PWWP3A: variants seen among roughly 807,000 people sequenced by gnomAD.
The protein encoded by PWWP3A is PWWP domain containing 3A, DNA repair factor.
In PWWP3A, 53 loss-of-function variants were observed where a neutral mutation model predicts 79.0. The observed-to-expected ratio is 0.67, with a 90% CI of 0.54 to 0.84. The LOEUF (loss-of-function observed/expected upper bound fraction) is 0.84, where lower values mean the gene tolerates loss of function less well. PWWP3A is among the 40% of genes least tolerant of loss of function. PWWP3A has a pLI of 0.00. For missense variants in PWWP3A, 973 were observed against 948.0 expected (o/e 1.03, Z -0.35); for synonymous variants, 443 against 394.4 (o/e 1.12, Z -1.46).
In PWWP3A at chr19:1,369,509, A is replaced by G. The variant is rs960970197; in HGVS notation, c.1499-87A>G. On this transcript the variant is annotated intron_variant, in intron 10 of 13. Coordinates refer to ENST00000591337, the MANE Select transcript of PWWP3A (RefSeq NM_001369789.1). This position sits in a 1 kb window ranked among gnomAD's most constrained non-coding sequence, Gnocchi z 4.0. Reference sequence around the variant, plus strand: ...CTGGCCTGGCCTGATTATTTCCTAAACAGAGACGCCGGGCCAGCCCCTGGA... The same window carrying G: ...CTGGCCTGGCCTGATTATTTCCTAAGCAGAGACGCCGGGCCAGCCCCTGGA... 1.9e-6 allele frequency: 3 copies of G among 1,554,432 alleles called. No individual in the cohort carries two copies. The highest frequency in any genetic ancestry group is 1.4e-5 in the African/African-American group (1 of 73,520).
intron 5 of PWWP3A, among the ~76,000 whole-genome samples, 183 bp downstream of exon 5, chr19:1,361,215 T>C (rs1207287288): frequency 2.6e-5 from 4 of 152,224 alleles, no homozygotes; most frequent in Non-Finnish European, 4.4e-5. Flanking sequence ...TATAATTGCT[T>C]CAACTTCTAA....
intron 6 of PWWP3A, 196 bp from the exon 7 acceptor site, chr19:1,364,313 G>A (rs2082083687): frequency 4.4e-6 from 3 of 689,240 alleles, no homozygotes; most frequent in Non-Finnish European, 8.0e-6. Context: ...TCTCATCATT[G>A]GTGGTTAGAC....
chr19:1,371,583 G>A (rs2082261396), intron 12 of PWWP3A: 2 of 603,254 alleles, frequency 3.3e-6, no homozygotes. Context: ...TTTGGGGCTT[G>A]GTGAGGAGCA....
At chr19:1,373,791 C>T (rs1044251562) in intron 13 of PWWP3A, 1 of 152,910 alleles carries the variant, frequency 6.5e-6, no homozygotes, top group African/African-American at 2.4e-5. Flanking sequence ...ACAGGAGACT[C>T]CTGGTGAAGA....
intron 5 of PWWP3A, chr19:1,361,937 G>A (rs896341671): frequency 3.7e-6 from 1 of 268,652 alleles, no homozygotes; most frequent in Non-Finnish European, 7.3e-6. Context: ...AGCCAGGCCG[G>A]GACAAAAGGG....
Position 1,377,262 on chromosome 19 carries a change from C to T in PWWP3A, c.*686C>T. 6.5e-6 allele frequency: 1 copy of T among 152,828 alleles called. No homozygotes were observed. 9.5% of individuals were successfully genotyped at this position (152,828 alleles called of 1,614,324 possible). Reference sequence around the variant, plus strand: ...AGCCACATGCCCTGGCTGCCATGGGCCAGACCGCCTCCACCTCCCCCGCCC... The same window carrying T: ...AGCCACATGCCCTGGCTGCCATGGGTCAGACCGCCTCCACCTCCCCCGCCC... On this transcript the variant is annotated 3_prime_UTR_variant, in exon 14 of 14. Transcript: ENST00000591337.
Position 1,369,057 on chromosome 19 carries a change from A to G in PWWP3A, c.1423-208A>G. The G allele has an allele frequency of 1.8e-6, 1 of 558,398 alleles. No individual in the cohort carries two copies. The highest frequency in any genetic ancestry group is 3.2e-6 in the Non-Finnish European group (1 of 308,850). The allele number at this position is 558,398 out of a possible 1,614,324, so 34.6% of individuals were successfully genotyped here. A position where few individuals can be genotyped will look rare whatever the true frequency, so the allele number is the denominator to read the frequency against. The stretch of plus-strand genomic sequence containing the variant: ...CCACCATTTGAGCAGCTCAGGGCCC[A>G]GACCTGTGCCTGGTGCGTTTCCCAT... On this transcript the variant is annotated intron_variant, in intron 9 of 13. Coordinates refer to ENST00000591337, the MANE Select transcript of PWWP3A (RefSeq NM_001369789.1). The surrounding 1 kb of genome is among the most constrained non-coding windows in gnomAD (Gnocchi z 4.0).
Position 1,368,770 on chromosome 19 carries a change from G to C in PWWP3A, c.1423-495G>C, listed in dbSNP as rs1272876613. 6.6e-6 allele frequency among the ~76,000 whole-genome samples: 1 copy of C among 152,238 alleles called. No individual in the cohort carries two copies. Among genetic ancestry groups the C allele is most frequent in the Non-Finnish European group, 1.5e-5 (1 of 68,040 alleles). On this transcript the variant is annotated intron_variant, in intron 9 of 13. Transcript: ENST00000591337. The surrounding 1 kb of genome is among the most constrained non-coding windows in gnomAD (Gnocchi z 4.7). ...TTAGAGCAGCTTATTTCCAGGACTT[G>C]ATGTCCTGTCATGTGGCACAGTGGC...
chr19:1,365,268 C>T (rs1174546841), intron 7 of PWWP3A, among the ~76,000 whole-genome samples: 1 of 152,234 alleles, frequency 6.6e-6, no homozygotes, highest in Non-Finnish European at 1.5e-5. Context: ...TCCAAGTTCC[C>T]GGTGTGGGTG....
chr19:1,363,061 TAAA>T (rs536753599), intron 6 of PWWP3A, among the ~76,000 whole-genome samples: 22 of 152,322 alleles, frequency 1.4e-4, no homozygotes, highest in African/African-American at 3.8e-4. Context: ...GCAAAAATAG[TAAA>T]GGGAGGTGAG....
chr19:1,376,854 C>G lies in PWWP3A; in HGVS notation c.*278C>G. 1 of 348,126 alleles carries G rather than the reference C, an allele frequency of 2.9e-6. No individual in the cohort carries two copies. Among genetic ancestry groups the G allele is most frequent in the Non-Finnish European group, 5.3e-6 (1 of 190,112 alleles). The allele number at this position is 348,126 out of a possible 1,614,324, so 21.6% of individuals were successfully genotyped here. Reference sequence around the variant, plus strand: ...GCTTTTGAAAGGACGGAAGCGTATTCACTGTGCGCCAGTACTCCTGGCTGT... The same window carrying G: ...GCTTTTGAAAGGACGGAAGCGTATTGACTGTGCGCCAGTACTCCTGGCTGT... On this transcript the variant is annotated 3_prime_UTR_variant, in exon 14 of 14. Coordinates refer to ENST00000591337, the MANE Select transcript of PWWP3A (RefSeq NM_001369789.1).
In PWWP3A at chr19:1,369,744, T is replaced by A; in HGVS notation, c.1549+98T>A. ...GAAGCTGTGGAAGGGGACGTTGGGG[T>A]CAAGGCACTGTCCGCAGCCACACAG... On this transcript the variant is annotated intron_variant, in intron 11 of 13. Transcript: ENST00000591337. The surrounding 1 kb of genome is among the most constrained non-coding windows in gnomAD (Gnocchi z 4.0). 11 of 1,333,654 alleles carry A rather than the reference T, an allele frequency of 8.2e-6. No individual in the cohort carries two copies. The highest frequency in any genetic ancestry group is 1.2e-5 in the Non-Finnish European group (11 of 924,776). 82.6% of individuals were successfully genotyped at this position (1,333,654 alleles called of 1,614,324 possible).
rs1303073478 is a variant in PWWP3A, at chr19:1,376,567, CCGT to C, written c.2127_2129del (p.Arg710del). ...AGCTCCTTGAAGAGCGGAACCGGCG[CCGT>C]CGGTGAGGGAGCAGCCGGCTGTGCT... On this transcript the variant is annotated inframe_deletion, in exon 14 of 14. Coordinates refer to ENST00000591337, the MANE Select transcript of PWWP3A (RefSeq NM_001369789.1). 6.2e-7 allele frequency: 1 copy of C among 1,613,468 alleles called. No homozygotes were observed. The highest frequency in any genetic ancestry group is 8.5e-7 in the Non-Finnish European group (1 of 1,179,910).
intron 7 of PWWP3A, 55 bp from the exon 8 acceptor site, chr19:1,366,250 T>G: frequency 6.3e-7 from 1 of 1,578,638 alleles, no homozygotes; most frequent in Non-Finnish European, 8.7e-7. Flanking sequence ...AAAAAATATT[T>G]AAAATCCACG....
At position 1,368,691 on chromosome 19, in the gene PWWP3A, C is replaced by T. The variant is rs1378539029; in HGVS notation, c.1423-574C>T. On this transcript the variant is annotated intron_variant, in intron 9 of 13. Transcript: ENST00000591337. This position sits in a 1 kb window ranked among gnomAD's most constrained non-coding sequence, Gnocchi z 4.7. ...GCCAGCCCAGGTGCTGTTAGAGCAG[C>T]CCAGGTGCTGGCCTAGCCTGGCTGC... Among the ~76,000 whole-genome samples the T allele has an allele frequency of 6.6e-6, 1 of 152,222 alleles. No individual in the cohort carries two copies. Among genetic ancestry groups the T allele is most frequent in the Non-Finnish European group, 1.5e-5 (1 of 68,038 alleles).
In PWWP3A at chr19:1,377,633, G is replaced by A. The variant is rs1046859160; in HGVS notation, c.*1057G>A. On this transcript the variant is annotated 3_prime_UTR_variant, in exon 14 of 14. Transcript: ENST00000591337. ...CAGCCAGGCTCCAGCAGGGTCAGACGTGCTGTTAAGAGCAAAGCCACAGAC... is the reference window on the plus strand; with the variant it reads ...CAGCCAGGCTCCAGCAGGGTCAGACATGCTGTTAAGAGCAAAGCCACAGAC... 4 of 152,436 alleles carry A rather than the reference G, an allele frequency of 2.6e-5. No homozygotes were observed. The highest frequency in any genetic ancestry group is 9.6e-5 in the African/African-American group (4 of 41,462). 9.4% of individuals were successfully genotyped at this position (152,436 alleles called of 1,614,324 possible).
rs2082297016 is a variant in PWWP3A, at chr19:1,373,131, G to C, written c.2046G>C (p.Lys682Asn). The C allele has an allele frequency of 6.2e-7, 1 of 1,614,244 alleles. No homozygotes were observed. Among genetic ancestry groups the C allele is most frequent in the Non-Finnish European group, 8.5e-7 (1 of 1,180,044 alleles). Residue 682 changes from lysine (K) to asparagine (N), a missense_variant, in exon 13 of 14, where the codon AAG becomes AAC. Coordinates refer to ENST00000591337, the MANE Select transcript of PWWP3A (RefSeq NM_001369789.1). The part of the protein sequence containing the change: ...DEVDYKTAEE[K>N]YIKGPSLSYR... Reference sequence around the variant, plus strand: ...TGGACTACAAGACGGCTGAGGAGAAGTACATCAAGGGGCCTTCGCTGAGCT... The same window carrying C: ...TGGACTACAAGACGGCTGAGGAGAACTACATCAAGGGGCCTTCGCTGAGCT...
intron 13 of PWWP3A, among the ~76,000 whole-genome samples, chr19:1,376,295 GT>G (rs754438911): frequency 1.2e-4 from 8 of 67,062 alleles, no homozygotes; most frequent in African/African-American, 1.7e-4. Context: ...CCGGCTGTTT[GT>G]TTTTTTTTTT....
chr19:1,371,908 C>T (rs948913563), intron 12 of PWWP3A, among the ~76,000 whole-genome samples: 3 of 150,270 alleles, frequency 2.0e-5, no homozygotes, highest in Non-Finnish European at 4.4e-5. Flanking sequence ...CCCAGGTTCA[C>T]GCCATTCTCT....
Sources: gnomAD v4.1 joint callset for allele counts (sites outside exome capture counted in the v4.1 genomes callset) on GRCh38, gnomAD v4.1.1 for gene constraint, Gnocchi (gnomAD v3.1) non-coding constraint, MANE v1.5 for transcripts, NCBI Gene and HGNC (gene_info 2026-07-23, HGNC 2026-07-21) for gene names.